The following CADM2 variants were observed in gnomAD, a reference collection of about 807,000 sequenced individuals.
CADM2 encodes the protein cell adhesion molecule 2, also known as immunoglobulin superfamily member 4D.
CADM2 carries 12 observed loss-of-function variants against 49.8 expected under a neutral mutation model. That is an observed-to-expected ratio of 0.24 (90% CI 0.15 to 0.39). The LOEUF is 0.39. CADM2 is among the 10% of genes least tolerant of loss of function. CADM2 has a pLI of 1.00. For missense variants in CADM2, 378 were observed against 492.3 expected, an observed-to-expected ratio of 0.77 and a Z score of 2.20; for synonymous variants, 214 against 175.4, an observed-to-expected ratio of 1.22 and a Z score of -1.74.
At chr3:85,843,013 T>C (rs1406451113) in intron 3 of CADM2, among the ~76,000 whole-genome samples, 1 of 152,146 alleles carries the variant, frequency 6.6e-6, no homozygotes, top group Non-Finnish European at 1.5e-5. Flanking sequence ...TGTAATTATA[T>C]ACTAGTAGTA....
At chr3:85,764,264 G>A (rs2069543703) in intron 2 of CADM2, among the ~76,000 whole-genome samples, 2 of 151,972 alleles carry the variant, frequency 1.3e-5, no homozygotes, top group Admixed American at 1.3e-4. Context: ...ACACTATAAA[G>A]TATTCCATTT....
intron 3 of CADM2, among the ~76,000 whole-genome samples, chr3:85,835,314 CT>C (rs60077347): frequency 0.11 from 14,746 of 132,464 alleles, 2,067 homozygotes; most frequent in African/African-American, 0.33. Context: ...GTTTTAGCTT[CT>C]TTTTTTTTTT....
intron 1 of CADM2, among the ~76,000 whole-genome samples, chr3:85,691,605 C>T (rs1221798775): frequency 6.6e-6 from 1 of 152,110 alleles, no homozygotes; most frequent in Admixed American, 6.6e-5. Context: ...TACCATTTGA[C>T]CCAGCCATCC....
chr3:85,453,400 A>G (rs1308158814), intron 1 of CADM2, among the ~76,000 whole-genome samples: 1 of 152,068 alleles, frequency 6.6e-6, no homozygotes, highest in Non-Finnish European at 1.5e-5. Flanking sequence ...TAGCATGATT[A>G]TCAGTGGTTA....
chr3:85,374,916 A>G (rs879277541), intron 1 of CADM2, among the ~76,000 whole-genome samples: 4 of 152,110 alleles, frequency 2.6e-5, no homozygotes, highest in Non-Finnish European at 5.9e-5. Flanking sequence ...GGACACAGCG[A>G]AACCATATCA....
intron 8 of CADM2, among the ~76,000 whole-genome samples, chr3:86,016,327 A>G (rs1215564236): frequency 6.6e-6 from 1 of 152,184 alleles, no homozygotes; most frequent in East Asian, 1.9e-4. Flanking sequence ...AGCATCTTGC[A>G]TATGATAAAC....
At chr3:85,129,089 A>G (rs1258482603) in intron 1 of CADM2, among the ~76,000 whole-genome samples, 1 of 152,090 alleles carries the variant, frequency 6.6e-6, no homozygotes, top group Non-Finnish European at 1.5e-5. Flanking sequence ...AGTTATATGT[A>G]TTGCAGTCGT....
intron 1 of CADM2, among the ~76,000 whole-genome samples, chr3:85,374,843 C>T (rs751088925): frequency 2.6e-5 from 4 of 152,106 alleles, no homozygotes; most frequent in Non-Finnish European, 4.4e-5. Flanking sequence ...TTGTCTCCCA[C>T]CAGGTTCCTC....
intron 1 of CADM2, among the ~76,000 whole-genome samples, chr3:85,369,871 A>T (rs2033072711): frequency 6.6e-6 from 1 of 152,122 alleles, no homozygotes; most frequent in African/African-American, 2.4e-5. Context: ...GAAAATTACC[A>T]CTGAAACCCT....
chr3:86,018,419 T>C (rs1389163983), intron 8 of CADM2, among the ~76,000 whole-genome samples: 2 of 151,412 alleles, frequency 1.3e-5, no homozygotes, highest in Non-Finnish European at 2.9e-5. Flanking sequence ...GGTCAAATGG[T>C]ATTTCCAGTT....
intron 1 of CADM2, among the ~76,000 whole-genome samples, chr3:84,979,537 A>T (rs1457773310): frequency 3.3e-5 from 5 of 152,150 alleles, no homozygotes; most frequent in Non-Finnish European, 5.9e-5. Context: ...AGAAATACTC[A>T]ATTTTGTAAA....
chr3:85,128,039 T>C (rs1478905218), intron 1 of CADM2, among the ~76,000 whole-genome samples: 1 of 152,208 alleles, frequency 6.6e-6, no homozygotes, highest in Non-Finnish European at 1.5e-5. Context: ...GGCTAATGAT[T>C]ACGGTGGTAT....
intron 8 of CADM2, among the ~76,000 whole-genome samples, chr3:86,006,189 A>G (rs1419696738): frequency 6.6e-6 from 1 of 152,200 alleles, no homozygotes; most frequent in Non-Finnish European, 1.5e-5. Context: ...AGGACCAGGA[A>G]TTATTTTACT....
chr3:85,129,536 A>G (rs2039156352), intron 1 of CADM2, among the ~76,000 whole-genome samples: 1 of 152,190 alleles, frequency 6.6e-6, no homozygotes, highest in African/African-American at 2.4e-5. Context: ...TTGAACCAAC[A>G]TTGGAAATCA....
At position 85,585,799 on chromosome 3, in the gene CADM2, G is replaced by C. The variant is rs527592339; in HGVS notation, c.62-140723G>C. ...CCCTTTTTAAATGTCACCATGTTAC[G>C]TAAGTTGTTTTAGCCAGCTGAGCCC... is the stretch of plus-strand genomic sequence containing the variant. On this transcript the variant is annotated intron_variant, in intron 1 of 9. Coordinates refer to ENST00000383699, the MANE Select transcript of CADM2 (RefSeq NM_001167675.2). 3.9e-5 allele frequency among the ~76,000 whole-genome samples: 6 copies of C among 152,060 alleles called. 1 individual carries two copies. The highest frequency in any genetic ancestry group is 9.6e-5 in the African/African-American group (4 of 41,532).
intron 1 of CADM2, among the ~76,000 whole-genome samples, chr3:85,193,714 C>T (rs2041268645): frequency 6.6e-6 from 1 of 152,088 alleles, no homozygotes; most frequent in African/African-American, 2.4e-5. Flanking sequence ...CTTCTTTCTG[C>T]ATTGCAGATT....
intron 6 of CADM2, among the ~76,000 whole-genome samples, chr3:85,928,055 C>A (rs1720107925): frequency 6.6e-6 from 1 of 152,004 alleles, no homozygotes; most frequent in African/African-American, 2.4e-5. Context: ...TCTGCTGGAT[C>A]AATATCTTTA....
At chr3:85,395,105 G>A (rs2034707307) in intron 1 of CADM2, among the ~76,000 whole-genome samples, 2 of 150,696 alleles carry the variant, frequency 1.3e-5, no homozygotes, top group African/African-American at 2.5e-5. Flanking sequence ...GGATACATAG[G>A]GAGACCCCAT....
intron 1 of CADM2, among the ~76,000 whole-genome samples, chr3:85,555,585 AT>A (rs2107146039): frequency 1.3e-5 from 2 of 152,196 alleles, no homozygotes; most frequent in South Asian, 4.1e-4. Flanking sequence ...TGTTATTTTT[AT>A]TTTTACCCTA....
Sources: allele counts gnomAD v4.1 joint callset (sites outside exome capture counted in the v4.1 genomes callset), GRCh38; gene constraint gnomAD v4.1.1; transcripts MANE v1.5; gene names NCBI Gene and HGNC (gene_info 2026-07-23, HGNC 2026-07-21).